STK3: variants seen among roughly 807,000 people sequenced by gnomAD.
The protein encoded by STK3 is serine/threonine kinase 3, also known as serine/threonine-protein kinase 3.
A neutral mutation model predicts 58.0 loss-of-function variants in STK3; 41 were observed. The observed-to-expected ratio is 0.71, with a 90% CI of 0.55 to 0.92. STK3 has a LOEUF of 0.92. Ranked by LOEUF, STK3 falls within the 40% of genes least tolerant of loss-of-function variation. The pLI is 0.00. For missense variants in STK3, 479 were observed against 602.7 expected (o/e 0.79, Z 2.15); for synonymous variants, 170 against 191.0 (o/e 0.89, Z 0.91).
At chr8:98,816,183 G>T (rs778573722) in intron 1 of STK3, among the ~76,000 whole-genome samples, 1 of 152,194 alleles carries the variant, frequency 6.6e-6, no homozygotes, top group Non-Finnish European at 1.5e-5. Flanking sequence ...GAAAAGGATG[G>T]AGGACTAAAC....
At chr8:98,471,356 T>C (rs1008435515) in intron 10 of STK3, among the ~76,000 whole-genome samples, 6 of 148,980 alleles carry the variant, frequency 4.0e-5, no homozygotes, top group East Asian at 1.9e-4. Flanking sequence ...TTTTTCCTTT[T>C]CTTTTTTTTT....
chr8:98,652,448 A>G (rs1821035829), intron 6 of STK3, among the ~76,000 whole-genome samples: 2 of 152,072 alleles, frequency 1.3e-5, no homozygotes, highest in South Asian at 4.2e-4. Flanking sequence ...ACCAGCTAAC[A>G]TCATCATGAC....
intron 3 of STK3, among the ~76,000 whole-genome samples, chr8:98,393,319 C>A (rs1356508193): frequency 6.6e-6 from 1 of 152,154 alleles, no homozygotes; most frequent in Admixed American, 6.5e-5. Flanking sequence ...ATGTCCTCAG[C>A]CCAATTCCTA....
chr8:98,608,258 C>G (rs1296886812), intron 6 of STK3, among the ~76,000 whole-genome samples: 3 of 151,730 alleles, frequency 2.0e-5, no homozygotes, highest in African/African-American at 4.8e-5. Context: ...AAAATTCAAC[C>G]ATCTTCTATT....
intron 6 of STK3, among the ~76,000 whole-genome samples, chr8:98,703,760 T>C (rs1825777951): frequency 6.6e-6 from 1 of 152,162 alleles, no homozygotes; most frequent in Admixed American, 6.6e-5. Flanking sequence ...TGCATTCTAC[T>C]GCACAGCAGA....
At chr8:98,780,866 C>A (rs1202365572) in intron 1 of STK3, among the ~76,000 whole-genome samples, 1 of 152,058 alleles carries the variant, frequency 6.6e-6, no homozygotes, top group African/African-American at 2.4e-5. Context: ...GAGTCAAACA[C>A]AAAACACATA....
At chr8:98,519,485 C>T (rs1440571875) in intron 10 of STK3, among the ~76,000 whole-genome samples, 4 of 123,054 alleles carry the variant, frequency 3.3e-5, no homozygotes, top group African/African-American at 1.2e-4. Flanking sequence ...GAGAAAGAAA[C>T]ATTTCTCCAG....
intron 6 of STK3, among the ~76,000 whole-genome samples, chr8:98,642,286 G>C (rs1441068135): frequency 6.6e-6 from 1 of 152,020 alleles, no homozygotes; most frequent in Non-Finnish European, 1.5e-5. Context: ...TTGGCACTGA[G>C]CTGTACACTT....
chr8:98,457,331 A>G (rs371119241), intron 10 of STK3, among the ~76,000 whole-genome samples: 47 of 152,358 alleles, frequency 3.1e-4, no homozygotes, highest in African/African-American at 1.1e-3. Flanking sequence ...GGGAAACTCC[A>G]AACTTTGAAC....
At chr8:98,751,983 C>A (rs1830016984) in intron 3 of STK3, among the ~76,000 whole-genome samples, 1 of 151,764 alleles carries the variant, frequency 6.6e-6, no homozygotes, top group Non-Finnish European at 1.5e-5. Context: ...TATAAACACA[C>A]ACACACAAAC....
chr8:98,711,354 C>A (rs113273452), intron 4 of STK3, among the ~76,000 whole-genome samples: 2 of 150,922 alleles, frequency 1.3e-5, no homozygotes, highest in South Asian at 4.2e-4. Flanking sequence ...AGGAGAAGTA[C>A]GAACCCAGGC....
At chr8:98,740,214 C>A (rs1308253343) in intron 4 of STK3, among the ~76,000 whole-genome samples, 1 of 151,964 alleles carries the variant, frequency 6.6e-6, no homozygotes, top group Non-Finnish European at 1.5e-5. Flanking sequence ...GCAAGGCAGG[C>A]CAACATTCAG....
intron 6 of STK3, among the ~76,000 whole-genome samples, chr8:98,627,723 G>A (rs1818846259): frequency 6.6e-6 from 1 of 151,882 alleles, no homozygotes; most frequent in African/African-American, 2.4e-5. Context: ...CCAGCTTCAG[G>A]TATTTATTTA....
chr8:98,462,877 G>A (rs1820113453), intron 10 of STK3: 2 of 151,938 alleles, frequency 1.3e-5, no homozygotes, highest in Admixed American at 6.6e-5. Flanking sequence ...TCTTTTCAGG[G>A]GTGTTATAGA....
intron 3 of STK3, among the ~76,000 whole-genome samples, chr8:98,408,862 A>C (rs1818025555): frequency 6.6e-6 from 1 of 152,120 alleles, no homozygotes; most frequent in Non-Finnish European, 1.5e-5. Flanking sequence ...AGCTTTGGCC[A>C]TTTTTCTGGA....
intron 3 of STK3, chr8:98,429,564 G>A: frequency 1.6e-6 from 1 of 606,380 alleles, no homozygotes. Context: ...TTCTTTTACA[G>A]TTTTTAGAAT....
chr8:98,586,950 T>G (rs1384838977), intron 7 of STK3, among the ~76,000 whole-genome samples: 2 of 152,092 alleles, frequency 1.3e-5, no homozygotes, highest in Non-Finnish European at 2.9e-5. Flanking sequence ...GATATCCCCT[T>G]TATCATTTTT....
At chr8:98,421,353 CA>C (rs1818171171) in intron 3 of STK3, among the ~76,000 whole-genome samples, 1 of 152,176 alleles carries the variant, frequency 6.6e-6, no homozygotes, top group Admixed American at 6.5e-5. Context: ...GAAAGATGGC[CA>C]GACCCCTGAG....
At chr8:98,601,551 T>C (rs1001234451) in intron 6 of STK3, 1 of 152,226 alleles carries the variant, frequency 6.6e-6, no homozygotes. Flanking sequence ...TATTAACTTC[T>C]TCAAGAAATT....
Sources: gnomAD v4.1 joint callset for allele counts (sites outside exome capture counted in the v4.1 genomes callset) on GRCh38, gnomAD v4.1.1 for gene constraint, MANE v1.5 for transcripts, NCBI Gene and HGNC (gene_info 2026-07-23, HGNC 2026-07-21) for gene names.